Variants in CPA6 observed in about 807,000 individuals in gnomAD.
The protein encoded by CPA6 is carboxypeptidase A6.
In CPA6, 58 loss-of-function variants were observed where a neutral mutation model predicts 63.3. The ratio of observed to expected loss-of-function variants is 0.92; its 90% CI spans 0.74 to 1.14. The LOEUF is 1.14. Among genes scored for constraint, CPA6 ranks in the 50% most tolerant of loss-of-function variants. CPA6 has a pLI of 0.00. For missense variants in CPA6, 565 were observed against 526.6 expected (o/e 1.07, Z -0.71); for synonymous variants, 185 against 179.0 (o/e 1.03, Z -0.27).
At chr8:67,716,151 CAAAAAAAAAA>C (rs56275918) in intron 1 of CPA6, among the ~76,000 whole-genome samples, 2 of 76,548 alleles carry the variant, frequency 2.6e-5, no homozygotes, top group African/African-American at 6.7e-5. Context: ...GAGCTTGTCT[CAAAAAAAAAA>C]AAAAAAAAAA....
chr8:67,520,331 C>A (rs1812234198), intron 2 of CPA6, among the ~76,000 whole-genome samples: 1 of 152,142 alleles, frequency 6.6e-6, no homozygotes, highest in African/African-American at 2.4e-5. Flanking sequence ...GACCCTACAG[C>A]AAGGCTTGGA....
chr8:67,690,646 G>A (rs1816796620), intron 1 of CPA6, among the ~76,000 whole-genome samples: 1 of 152,130 alleles, frequency 6.6e-6, no homozygotes, highest in African/African-American at 2.4e-5. Context: ...GCTGATGTAA[G>A]ACACATTAGA....
intron 1 of CPA6, among the ~76,000 whole-genome samples, chr8:67,640,309 C>T (rs1033516612): frequency 1.3e-5 from 2 of 151,412 alleles, no homozygotes; most frequent in African/African-American, 4.9e-5. Flanking sequence ...GCCTGCAGGC[C>T]AGCATCGAGC....
intron 1 of CPA6, among the ~76,000 whole-genome samples, chr8:67,662,509 TAATACATACACACGTATATGTATATATAG>T (rs771922766): frequency 0.02 from 1,980 of 101,024 alleles, 246 homozygotes; most frequent in African/African-American, 0.054. Flanking sequence ...TATATGTATA[TAATACATACACACGTATATGTATATATAG>T]AATACATACA....
intron 2 of CPA6, among the ~76,000 whole-genome samples, chr8:67,542,478 G>C (rs1438073721): frequency 2.0e-5 from 3 of 152,140 alleles, no homozygotes; most frequent in Non-Finnish European, 4.4e-5. Context: ...ACTCATGCAG[G>C]GATTGGAACC....
chr8:67,700,649 C>T (rs1766562487), intron 1 of CPA6, among the ~76,000 whole-genome samples: 1 of 152,200 alleles, frequency 6.6e-6, no homozygotes, highest in African/African-American at 2.4e-5. Flanking sequence ...TTCATCTTTC[C>T]TTCCAGCAAC....
chr8:67,643,359 A>C (rs1212627598), intron 1 of CPA6, among the ~76,000 whole-genome samples: 1 of 152,230 alleles, frequency 6.6e-6, no homozygotes, highest in Non-Finnish European at 1.5e-5. Flanking sequence ...GTACCTCTCC[A>C]AAAAATGGAA....
Position 67,631,680 on chromosome 8 carries a change from A to G in CPA6, c.117-7429T>C, listed in dbSNP as rs142699188. Among the ~76,000 whole-genome samples, 572 of 152,326 alleles carry G rather than the reference A, an allele frequency of 3.8e-3. 4 individuals are homozygous for G. Among genetic ancestry groups the G allele is most frequent in the African/African-American group, 0.013 (528 of 41,566 alleles). On this transcript the variant is annotated intron_variant, in intron 1 of 10. Transcript: ENST00000297770. ...ACTAGGGTTCTCTTCCACCCTGTGTAAACTTTGTTCTTTTATTGTTTGCAA... is the reference window on the plus strand; with the variant it reads ...ACTAGGGTTCTCTTCCACCCTGTGTGAACTTTGTTCTTTTATTGTTTGCAA...
chr8:67,650,788 G>A (rs1022299358), intron 1 of CPA6, among the ~76,000 whole-genome samples: 4 of 152,072 alleles, frequency 2.6e-5, no homozygotes, highest in East Asian at 1.9e-4. Context: ...TACTCTTGTC[G>A]GATTGTCTTT....
At chr8:67,491,017 G>A (rs1168446639) in intron 6 of CPA6, among the ~76,000 whole-genome samples, 1 of 151,948 alleles carries the variant, frequency 6.6e-6, no homozygotes. Context: ...GGACACACTG[G>A]CAGAACGAAG....
At chr8:67,541,353 A>G (rs1812699594) in intron 2 of CPA6, among the ~76,000 whole-genome samples, 2 of 152,154 alleles carry the variant, frequency 1.3e-5, no homozygotes, top group African/African-American at 4.8e-5. Context: ...ACTAAAAGGC[A>G]GAAATGAAAT....
chr8:67,430,131 ATG>A (rs58059553), intron 9 of CPA6, among the ~76,000 whole-genome samples: 29,839 of 128,274 alleles, frequency 0.23, 3,812 homozygotes, highest in East Asian at 0.38. Context: ...GTATATATAT[ATG>A]TGTGTGTGTG....
intron 8 of CPA6, among the ~76,000 whole-genome samples, chr8:67,447,503 GTA>G (rs1448306840): frequency 2.6e-5 from 3 of 113,276 alleles, no homozygotes; most frequent in Non-Finnish European, 5.5e-5. Context: ...AGATATGTGT[GTA>G]TACACACACA....
At chr8:67,468,623 A>AAATAAAAT (rs1410196808) in intron 8 of CPA6, among the ~76,000 whole-genome samples, 3 of 149,978 alleles carry the variant, frequency 2.0e-5, no homozygotes, top group South Asian at 4.2e-4. Context: ...AAATAAAATA[A>AAATAAAAT]AATAATAATA....
At chr8:67,475,797 CTTTCTTTCTTTCTTTCTTTCCTTTCTTTT>C (rs1563967393) in intron 8 of CPA6, among the ~76,000 whole-genome samples, 25 of 41,096 alleles carry the variant, frequency 6.1e-4, no homozygotes, top group Non-Finnish European at 8.9e-4. Context: ...TTCTTTCTTT[CTTTCTTTCTTTCTTTCTTTCCTTTCTTTT>C]CTTTCTTTCT....
At chr8:67,688,994 T>TATTA (rs201709532) in intron 1 of CPA6, among the ~76,000 whole-genome samples, 8,584 of 151,832 alleles carry the variant, frequency 0.057, 388 homozygotes, top group East Asian at 0.13. Context: ...TTATTATTAT[T>TATTA]TTTTAGATGG....
Position 67,651,472 on chromosome 8 carries a change from C to T in CPA6, c.117-27221G>A, listed in dbSNP as rs183444021. ...TTATTTATTTATTTATTTTTTAATG[C>T]TCAATATTTTATTTGTATTGTTGTT... On this transcript the variant is annotated intron_variant, in intron 1 of 10. Transcript: ENST00000297770. Among the ~76,000 whole-genome samples the T allele has an allele frequency of 2.4e-3, 368 of 152,136 alleles. 2 individuals carry two copies. The highest frequency in any genetic ancestry group is 4.0e-3 in the Non-Finnish European group (271 of 67,980).
chr8:67,490,244 A>G (rs1490678211), intron 6 of CPA6, among the ~76,000 whole-genome samples: 1 of 152,234 alleles, frequency 6.6e-6, no homozygotes. Context: ...ATTCTAACAT[A>G]TGATAAACAT....
intron 1 of CPA6, among the ~76,000 whole-genome samples, chr8:67,673,393 T>TTA (rs1271266388): frequency 0.15 from 21,805 of 141,378 alleles, 2,383 homozygotes; most frequent in African/African-American, 0.31. Flanking sequence ...TATTTATTTT[T>TTA]TTTTTTTTGA....
Sources: allele counts gnomAD v4.1 joint callset (sites outside exome capture counted in the v4.1 genomes callset), GRCh38; gene constraint gnomAD v4.1.1; transcripts MANE v1.5; gene names NCBI Gene and HGNC (gene_info 2026-07-23, HGNC 2026-07-21).